Variants in AP3B1 observed in about 807,000 individuals in gnomAD.
AP3B1 encodes the protein AP-3 complex subunit beta-1.
In AP3B1, 61 loss-of-function variants were observed where a neutral mutation model predicts 132.5. The observed-to-expected ratio is 0.46, with a 90% CI of 0.37 to 0.57. The LOEUF is 0.57. AP3B1 is among the 20% of genes least tolerant of loss of function. The pLI, the probability that AP3B1 is intolerant of heterozygous loss-of-function variation, is 0.00. For synonymous variants in AP3B1, 388 were observed against 438.3 expected (o/e 0.89, Z 1.43); for missense variants, 1,120 against 1,289.4 (o/e 0.87, Z 2.01).
chr5:78,114,256 G>A (rs757986214), intron 18 of AP3B1, among the ~76,000 whole-genome samples: 27 of 152,164 alleles, frequency 1.8e-4, no homozygotes, highest in African/African-American at 5.5e-4. Context: ...AAAGAATTAC[G>A]TAAGGATTGA....
At chr5:78,186,624 T>C (rs1445916830) in intron 7 of AP3B1, among the ~76,000 whole-genome samples, 2 of 152,218 alleles carry the variant, frequency 1.3e-5, no homozygotes, top group African/African-American at 4.8e-5. Flanking sequence ...CTCTCAATTA[T>C]TTCTTAAAAT....
chr5:78,207,156 G>GC (rs1040194104), intron 7 of AP3B1, among the ~76,000 whole-genome samples: 1 of 151,872 alleles, frequency 6.6e-6, no homozygotes, highest in Non-Finnish European at 1.5e-5. Flanking sequence ...TACTTGGGAG[G>GC]CTGAGGCAGG....
intron 2 of AP3B1, among the ~76,000 whole-genome samples, chr5:78,257,904 A>G (rs1393143774): frequency 6.6e-6 from 1 of 152,254 alleles, no homozygotes; most frequent in Non-Finnish European, 1.5e-5. Flanking sequence ...AAGAGCATAC[A>G]CTGAGGAAAA....
rs201225034 is a variant in AP3B1, at chr5:78,027,192, TCTATA to T, written c.2895-6408_2895-6404del. Among the ~76,000 whole-genome samples, 1,304 of 151,926 alleles carry T rather than the reference TCTATA, an allele frequency of 8.6e-3. 14 individuals are homozygous for T. Among genetic ancestry groups the T allele is most frequent in the African/African-American group, 0.021 (881 of 41,556 alleles). ...TGTCCTCAGAGTATGAAAATATTTA[TCTATA>T]CTATATTTAAATACTTTTATAGTTT... On this transcript the variant is annotated intron_variant, in intron 24 of 26. Coordinates refer to ENST00000255194, the MANE Select transcript of AP3B1 (RefSeq NM_003664.5).
intron 22 of AP3B1, among the ~76,000 whole-genome samples, chr5:78,059,182 T>C (rs753888668): frequency 6.6e-6 from 1 of 152,134 alleles, no homozygotes; most frequent in Non-Finnish European, 1.5e-5. Context: ...TGATACAGCA[T>C]GAAAACAACT....
At chr5:78,275,901 A>G (rs1031811661) in intron 1 of AP3B1, among the ~76,000 whole-genome samples, 3 of 152,214 alleles carry the variant, frequency 2.0e-5, no homozygotes, top group African/African-American at 7.2e-5. Flanking sequence ...CAATATATCC[A>G]ACAACTGCAG....
At chr5:78,038,479 C>T (rs1430822786) in intron 23 of AP3B1, among the ~76,000 whole-genome samples, 2 of 152,116 alleles carry the variant, frequency 1.3e-5, no homozygotes, top group African/African-American at 4.8e-5. Flanking sequence ...GCAAAAAAAT[C>T]TCATAATGTT....
chr5:78,147,601 T>C (rs1753461973), intron 14 of AP3B1, among the ~76,000 whole-genome samples: 1 of 152,218 alleles, frequency 6.6e-6, no homozygotes, highest in Admixed American at 6.5e-5. Context: ...TATTTTCCTT[T>C]GTGAATACTG....
chr5:78,013,934 C>T (rs191206446), intron 26 of AP3B1, among the ~76,000 whole-genome samples: 2 of 152,084 alleles, frequency 1.3e-5, no homozygotes, highest in African/African-American at 2.4e-5. Flanking sequence ...GAGGCCGAGA[C>T]GGGTGGATCA....
intron 6 of AP3B1, among the ~76,000 whole-genome samples, chr5:78,224,490 CT>C (rs1432443782): frequency 1.3e-5 from 2 of 151,902 alleles, no homozygotes. Context: ...AAAATGACAG[CT>C]TAAAATCCAA....
At chr5:78,204,556 C>T (rs376571712) in intron 7 of AP3B1, among the ~76,000 whole-genome samples, 25 of 152,326 alleles carry the variant, frequency 1.6e-4, no homozygotes, top group African/African-American at 5.8e-4. Flanking sequence ...CAAAGCATTC[C>T]ATCCTCCAGC....
intron 2 of AP3B1, among the ~76,000 whole-genome samples, chr5:78,263,436 T>C (rs1183904414): frequency 1.3e-5 from 2 of 152,236 alleles, no homozygotes; most frequent in African/African-American, 2.4e-5. Flanking sequence ...TATAAGATGA[T>C]GTGAATAAAA....
chr5:78,114,324 G>A (rs902745962), intron 18 of AP3B1, among the ~76,000 whole-genome samples: 1 of 152,078 alleles, frequency 6.6e-6, no homozygotes, highest in South Asian at 2.1e-4. Flanking sequence ...ATTCTATTTA[G>A]AGTAAAAGAA....
At chr5:78,114,949 T>C (rs966623363) in intron 18 of AP3B1, among the ~76,000 whole-genome samples, 1 of 152,138 alleles carries the variant, frequency 6.6e-6, no homozygotes, top group Non-Finnish European at 1.5e-5. Context: ...TTTCAGCAAA[T>C]GGGGATAACA....
intron 22 of AP3B1, chr5:78,044,194 T>G (rs1436739320): frequency 5.0e-6 from 1 of 201,412 alleles, no homozygotes; most frequent in Admixed American, 5.8e-5. Context: ...CTCTCCGACA[T>G]GCACATGGCA....
At chr5:78,132,113 C>T (rs935423326) in intron 15 of AP3B1, among the ~76,000 whole-genome samples, 8 of 152,082 alleles carry the variant, frequency 5.3e-5, no homozygotes, top group African/African-American at 1.4e-4. Context: ...TTTTATAGTT[C>T]GGTCAAACTG....
chr5:78,163,881 G>A (rs1466320680), intron 12 of AP3B1, among the ~76,000 whole-genome samples: 1 of 151,448 alleles, frequency 6.6e-6, no homozygotes, highest in Non-Finnish European at 1.5e-5. Flanking sequence ...ATTTACAATC[G>A]AAATTTTTAA....
At chr5:78,091,692 G>A (rs1750524150) in intron 21 of AP3B1, among the ~76,000 whole-genome samples, 2 of 152,170 alleles carry the variant, frequency 1.3e-5, no homozygotes. Flanking sequence ...AGGCTGAGAG[G>A]TAGGAAATTG....
chr5:78,036,966 CAAAAG>C (rs1047460149), intron 23 of AP3B1, among the ~76,000 whole-genome samples: 6 of 151,982 alleles, frequency 3.9e-5, no homozygotes, highest in African/African-American at 1.5e-4. Context: ...ATACTGCAGA[CAAAAG>C]AACTCTGTAT....
Sources: allele counts gnomAD v4.1 joint callset (sites outside exome capture counted in the v4.1 genomes callset), GRCh38; gene constraint gnomAD v4.1.1; transcripts MANE v1.5; gene names NCBI Gene and HGNC (gene_info 2026-07-23, HGNC 2026-07-21).